The following DPF3 variants were observed in gnomAD, a reference collection of about 807,000 sequenced individuals.
DPF3 encodes the protein double PHD fingers 3.
DPF3 carries 18 observed loss-of-function variants against 56.8 expected under a neutral mutation model. That is an observed-to-expected ratio of 0.32 (90% CI 0.22 to 0.47). DPF3 has a LOEUF of 0.47. Ranked by LOEUF, DPF3 falls within the 20% of genes least tolerant of loss-of-function variation. The pLI is 1.00. For synonymous variants in DPF3, 188 were observed against 180.2 expected (o/e 1.04, Z -0.35); for missense variants, 403 against 488.8 (o/e 0.82, Z 1.65).
chr14:72,890,145 T>TG (rs1886694754), intron 1 of DPF3, among the ~76,000 whole-genome samples: 1 of 152,130 alleles, frequency 6.6e-6, no homozygotes, highest in Non-Finnish European at 1.5e-5. Context: ...ATTGCAGATT[T>TG]GGGGGAAGGT....
chr14:72,635,151 A>C (rs1196117832), intron 8 of DPF3, among the ~76,000 whole-genome samples: 1 of 152,130 alleles, frequency 6.6e-6, no homozygotes, highest in Admixed American at 6.5e-5. Flanking sequence ...TGTATGGGAG[A>C]TCTAACTGCT....
intron 7 of DPF3, among the ~76,000 whole-genome samples, chr14:72,686,845 T>C (rs1170984996): frequency 6.6e-6 from 1 of 152,240 alleles, no homozygotes; most frequent in Non-Finnish European, 1.5e-5. Flanking sequence ...GTAGGCTTTA[T>C]GGCTTTTCAG....
rs541144207 is a variant in DPF3, at chr14:72,723,707, T to C, written c.451A>G (p.Asn151Asp). Residue 151 changes from asparagine (N) to aspartate (D), a missense_variant, in exon 5 of 11, where the codon AAT becomes GAT. By Grantham distance (23) the Asn-to-Asp change is conservative (BLOSUM62 1). Transcript: ENST00000556509. Reference protein sequence around the residue: ...EIQRVLENDENVEEGNEEEDL... With the variant: ...EIQRVLENDEDVEEGNEEEDL... ...TCTTCTTCATTCCCTTCTTCTACAT[T>C]TTCATCATTTTCCAAAACCCTCTGA... 31 of 1,580,354 alleles carry C rather than the reference T, an allele frequency of 2.0e-5. No individual in the cohort carries two copies. The East Asian group carries it at 6.9e-4, about 35-fold the overall frequency.
At chr14:72,693,669 C>G (rs112669958) in intron 6 of DPF3, among the ~76,000 whole-genome samples, 163 of 152,288 alleles carry the variant, frequency 1.1e-3, no homozygotes, top group African/African-American at 3.8e-3. Context: ...TCTACCCAAT[C>G]CAACATCCCA....
chr14:72,830,483 T>C (rs941149533), intron 1 of DPF3, among the ~76,000 whole-genome samples: 3 of 152,154 alleles, frequency 2.0e-5, no homozygotes, highest in Admixed American at 2.0e-4. Flanking sequence ...TGAACTCAAA[T>C]CCCAGTTCCA....
At chr14:72,727,588 A>G (rs1297267981) in intron 4 of DPF3, among the ~76,000 whole-genome samples, 4 of 152,054 alleles carry the variant, frequency 2.6e-5, no homozygotes, top group Admixed American at 6.5e-5. Flanking sequence ...AAAAAAAAAA[A>G]AAATCCCTCA....
intron 8 of DPF3, among the ~76,000 whole-genome samples, chr14:72,644,830 A>T (rs1012392732): frequency 2.0e-5 from 3 of 152,248 alleles, no homozygotes; most frequent in African/African-American, 7.2e-5. Flanking sequence ...ATTAGGTGTG[A>T]GAGAATTAGG....
intron 1 of DPF3, among the ~76,000 whole-genome samples, chr14:72,839,916 G>A (rs1884477933): frequency 6.6e-6 from 1 of 152,200 alleles, no homozygotes; most frequent in Admixed American, 6.5e-5. Flanking sequence ...AGCTCCAGGT[G>A]CGATCAGGAA....
At chr14:72,655,886 G>A (rs1886048744) in intron 8 of DPF3, among the ~76,000 whole-genome samples, 1 of 152,174 alleles carries the variant, frequency 6.6e-6, no homozygotes, top group Non-Finnish European at 1.5e-5. Context: ...ACCCCAAGAG[G>A]TCATCTAACC....
intron 8 of DPF3, among the ~76,000 whole-genome samples, chr14:72,637,642 A>G (rs1048549999): frequency 2.6e-5 from 4 of 152,112 alleles, no homozygotes; most frequent in Non-Finnish European, 1.5e-5. Context: ...TAGTTTTTCA[A>G]TATATTAAGT....
At chr14:72,786,970 G>A (rs747988093) in intron 1 of DPF3, among the ~76,000 whole-genome samples, 2 of 152,276 alleles carry the variant, frequency 1.3e-5, no homozygotes, top group Non-Finnish European at 2.9e-5. Context: ...CTCCTGTTGA[G>A]TTGCAGGCTG....
At chr14:72,877,098 C>T (rs1886146237) in intron 1 of DPF3, among the ~76,000 whole-genome samples, 1 of 152,180 alleles carries the variant, frequency 6.6e-6, no homozygotes, top group Non-Finnish European at 1.5e-5. Flanking sequence ...GGACAGGGAT[C>T]AGAAGGAAAC....
At chr14:72,702,861 C>T (rs1057157142) in intron 6 of DPF3, among the ~76,000 whole-genome samples, 1 of 152,104 alleles carries the variant, frequency 6.6e-6, no homozygotes, top group Admixed American at 6.5e-5. Context: ...TGGATCCAAC[C>T]CCCAGGTGGG....
At chr14:72,835,950 A>T in intron 1 of DPF3, 1 of 775,042 alleles carries the variant, frequency 1.3e-6, no homozygotes, top group Non-Finnish European at 1.6e-6. Context: ...TCGACACCTA[A>T]AACCTGTGCG....
chr14:72,661,155 AGT>A (rs1886195438), intron 8 of DPF3: 2 of 985,330 alleles, frequency 2.0e-6, no homozygotes, highest in Non-Finnish European at 2.4e-6. Flanking sequence ...CACTTGTGGG[AGT>A]TGGTTGGAAA....
At chr14:72,732,333 A>C (rs1378290517) in intron 3 of DPF3, among the ~76,000 whole-genome samples, 1 of 152,198 alleles carries the variant, frequency 6.6e-6, no homozygotes. Context: ...ACATGTGTTC[A>C]TTTGCGGGAA....
intron 8 of DPF3, among the ~76,000 whole-genome samples, chr14:72,636,683 GC>G (rs2153567502): frequency 1.3e-5 from 2 of 152,310 alleles, no homozygotes; most frequent in East Asian, 3.9e-4. Context: ...TATTTCTCAA[GC>G]CCTGCTTTGT....
chr14:72,731,971 A>G, intron 3 of DPF3, 37 bp from the exon 4 acceptor site: 6 of 1,556,318 alleles, frequency 3.9e-6, no homozygotes, highest in African/African-American at 1.4e-5. Context: ...TCAGGCCACT[A>G]GAAGCAGGCA....
chr14:72,674,187 A>G, intron 8 of DPF3, 53 bp downstream of exon 8: 1 of 1,574,036 alleles, frequency 6.4e-7, no homozygotes, highest in Non-Finnish European at 8.6e-7. Flanking sequence ...GAGGAATGCA[A>G]GAGGAGCATT....
Sources: allele counts gnomAD v4.1 joint callset (sites outside exome capture counted in the v4.1 genomes callset), GRCh38; gene constraint gnomAD v4.1.1; transcripts MANE v1.5; gene names NCBI Gene and HGNC (gene_info 2026-07-23, HGNC 2026-07-21).